SYNE3: variants seen among roughly 807,000 people sequenced by gnomAD.
The protein encoded by SYNE3 is nesprin-3.
SYNE3 carries 100 observed loss-of-function variants against 111.2 expected under a neutral mutation model. The observed-to-expected ratio is 0.90, with a 90% CI of 0.77 to 1.06. The LOEUF is 1.06. Among genes scored for constraint, SYNE3 ranks in the 50% least tolerant of loss-of-function variants. SYNE3 has a pLI of 0.00. For synonymous variants in SYNE3, 547 were observed against 533.9 expected (o/e 1.02, Z -0.34); for missense variants, 1,160 against 1,240.3 (o/e 0.94, Z 0.97).
intron 8 of SYNE3, among the ~76,000 whole-genome samples, chr14:95,448,293 G>A (rs1242491055): frequency 3.3e-5 from 5 of 151,646 alleles, no homozygotes; most frequent in Non-Finnish European, 5.9e-5. Flanking sequence ...GATGCCCTGA[G>A]GAGTACCTAG....
At chr14:95,498,629 A>T (rs76086956) in intron 1 of SYNE3, among the ~76,000 whole-genome samples, 1,586 of 152,366 alleles carry the variant, frequency 0.01, 26 homozygotes, top group African/African-American at 0.036. Flanking sequence ...TGAAGTATGT[A>T]TAGAATAGGA....
At chr14:95,516,417 G>A (rs1374034485) in intron 1 of SYNE3, among the ~76,000 whole-genome samples, 179 bp downstream of exon 1, 2 of 152,102 alleles carry the variant, frequency 1.3e-5, no homozygotes, top group Admixed American at 1.3e-4. Context: ...GCCCGCAGCT[G>A]TCACGCCGGG....
chr14:95,508,824 C>T (rs1890619651), intron 1 of SYNE3, among the ~76,000 whole-genome samples: 1 of 152,254 alleles, frequency 6.6e-6, no homozygotes, highest in African/African-American at 2.4e-5. Flanking sequence ...CTGAAGGGGG[C>T]CGCAGAGGGA....
chr14:95,431,997 G>T, intron 17 of SYNE3, 82 bp downstream of exon 17: 2 of 1,509,548 alleles, frequency 1.3e-6, no homozygotes, highest in African/African-American at 1.4e-5. Context: ...AAGCCCACGA[G>T]TCTTGCCCCA....
At chr14:95,490,393 G>T (rs1018505317) in intron 1 of SYNE3, among the ~76,000 whole-genome samples, 1 of 152,194 alleles carries the variant, frequency 6.6e-6, no homozygotes, top group Non-Finnish European at 1.5e-5. Context: ...AGCTAGCTCT[G>T]TGCCCAGCTA....
At chr14:95,424,695 T>C (rs2139353195) in intron 17 of SYNE3, among the ~76,000 whole-genome samples, 1 of 151,966 alleles carries the variant, frequency 6.6e-6, no homozygotes, top group Non-Finnish European at 1.5e-5. Flanking sequence ...CCAAATCCAA[T>C]CACAAGGAAA....
At chr14:95,452,739 C>G (rs1243301287) in intron 6 of SYNE3, among the ~76,000 whole-genome samples, 1 of 152,220 alleles carries the variant, frequency 6.6e-6, no homozygotes, top group East Asian at 1.9e-4. Flanking sequence ...TTAAGCCTCA[C>G]AACAGTCCTG....
At chr14:95,434,933 C>T (rs185087414) in intron 15 of SYNE3, among the ~76,000 whole-genome samples, 13 of 152,322 alleles carry the variant, frequency 8.5e-5, no homozygotes, top group Non-Finnish European at 1.0e-4. Context: ...GGATTACAGG[C>T]GTGAGCCACC....
At position 95,490,468 on chromosome 14, in the gene SYNE3, C is replaced by A. The variant is rs539215987; in HGVS notation, c.-14-14633G>T. On this transcript the variant is annotated intron_variant, in intron 1 of 17. Transcript: ENST00000682763. Reference sequence around the variant, plus strand: ...CTATCAGGTAGATGCCATGGCCAGCCCTTTATTACAGATAGGAAACAAGGC... The same window carrying A: ...CTATCAGGTAGATGCCATGGCCAGCACTTTATTACAGATAGGAAACAAGGC... 2.6e-5 allele frequency among the ~76,000 whole-genome samples: 4 copies of A among 152,306 alleles called. No individual in the cohort carries two copies. The South Asian group carries it at 8.3e-4, about 32-fold the overall frequency.
At chr14:95,422,943 G>A (rs1885214258) in intron 17 of SYNE3, among the ~76,000 whole-genome samples, 1 of 152,210 alleles carries the variant, frequency 6.6e-6, no homozygotes, top group African/African-American at 2.4e-5. Context: ...TCCCGGACTG[G>A]GCCCTGCCAC....
chr14:95,502,680 C>T (rs951638701), intron 1 of SYNE3, among the ~76,000 whole-genome samples: 10 of 152,288 alleles, frequency 6.6e-5, no homozygotes, highest in South Asian at 4.1e-4. Context: ...AAAACCAGCA[C>T]GTACAACCGG....
chr14:95,480,309 G>A (rs1889154702), intron 1 of SYNE3, among the ~76,000 whole-genome samples: 1 of 152,180 alleles, frequency 6.6e-6, no homozygotes, highest in African/African-American at 2.4e-5. Flanking sequence ...TGGCGCTGGT[G>A]TATGGAGGAG....
intron 6 of SYNE3, among the ~76,000 whole-genome samples, chr14:95,453,086 C>T (rs748395): frequency 1.3e-5 from 2 of 152,200 alleles, no homozygotes; most frequent in Admixed American, 6.5e-5. Flanking sequence ...GTAGAAAGTG[C>T]TGGGCTTTGC....
At chr14:95,497,376 G>C (rs1890136904) in intron 1 of SYNE3, among the ~76,000 whole-genome samples, 1 of 152,144 alleles carries the variant, frequency 6.6e-6, no homozygotes, top group Non-Finnish European at 1.5e-5. Context: ...AAAGTGCTTA[G>C]AACAATGCTG....
At position 95,417,124 on chromosome 14, in the gene SYNE3, A is replaced by G. The variant is rs1448654152; in HGVS notation, c.*702T>C. ...GCTCCGGCATGCAATGCCTCCACACAGCTGTGCTTTCTTAGTTCGGGGATC... is the reference window on the plus strand; with the variant it reads ...GCTCCGGCATGCAATGCCTCCACACGGCTGTGCTTTCTTAGTTCGGGGATC... On this transcript the variant is annotated 3_prime_UTR_variant, in exon 18 of 18. Coordinates refer to ENST00000682763, the MANE Select transcript of SYNE3 (RefSeq NM_152592.6). 1 of 155,864 alleles carries G rather than the reference A, an allele frequency of 6.4e-6. No individual in the cohort carries two copies. Among genetic ancestry groups the G allele is most frequent in the Admixed American group, 6.2e-5 (1 of 16,224 alleles). The allele number at this position is 155,864 out of a possible 1,614,324, so 9.7% of individuals were successfully genotyped here.
chr14:95,427,414 C>T (rs1179749266), intron 17 of SYNE3, among the ~76,000 whole-genome samples: 1 of 152,222 alleles, frequency 6.6e-6, no homozygotes. Flanking sequence ...GGAGGCCTAA[C>T]CGTCTCCCTG....
Position 95,485,830 on chromosome 14 carries a change from C to A in SYNE3, c.-14-9995G>T, listed in dbSNP as rs779509672. Among the ~76,000 whole-genome samples, 5 of 152,190 alleles carry A rather than the reference C, an allele frequency of 3.3e-5. No homozygotes were observed. Among genetic ancestry groups the A allele is most frequent in the Non-Finnish European group, 1.5e-5 (1 of 68,026 alleles). The stretch of plus-strand genomic sequence containing the variant: ...GTCCCCTCATCTCTCCTGCTCCTCA[C>A]TTCACCTCCTTCGTGGAGCTCAGCA... On this transcript the variant is annotated intron_variant, in intron 1 of 17. Coordinates refer to ENST00000682763, the MANE Select transcript of SYNE3 (RefSeq NM_152592.6). This position sits in a 1 kb window ranked among gnomAD's most constrained non-coding sequence, Gnocchi z 4.3.
At chr14:95,422,508 C>T (rs764655287) in intron 17 of SYNE3, among the ~76,000 whole-genome samples, 10 of 152,304 alleles carry the variant, frequency 6.6e-5, no homozygotes, top group East Asian at 1.9e-4. Context: ...GCAATTAGAA[C>T]GACAACAAAA....
chr14:95,440,482 C>T (rs1176072820), intron 11 of SYNE3, among the ~76,000 whole-genome samples: 1 of 152,186 alleles, frequency 6.6e-6, no homozygotes, highest in Non-Finnish European at 1.5e-5. Context: ...CATATCCTCA[C>T]CCAAGGTCAT....
Sources: gnomAD v4.1 joint callset for allele counts (sites outside exome capture counted in the v4.1 genomes callset) on GRCh38, gnomAD v4.1.1 for gene constraint, Gnocchi (gnomAD v3.1) non-coding constraint, MANE v1.5 for transcripts, NCBI Gene and HGNC (gene_info 2026-07-23, HGNC 2026-07-21) for gene names.